The following SLC4A10 variants were observed in gnomAD, a reference collection of about 807,000 sequenced individuals.
SLC4A10 encodes sodium-driven chloride bicarbonate exchanger.
SLC4A10 carries 42 observed loss-of-function variants against 137.7 expected under a neutral mutation model. The ratio of observed to expected loss-of-function variants is 0.30; its 90% CI spans 0.24 to 0.39. SLC4A10 has a LOEUF of 0.39. Among genes scored for constraint, SLC4A10 ranks in the 10% least tolerant of loss-of-function variants. The pLI is 1.00. For missense variants in SLC4A10, 925 were observed against 1,355.0 expected, an observed-to-expected ratio of 0.68 and a Z score of 4.98; for synonymous variants, 474 against 464.1, an observed-to-expected ratio of 1.02 and a Z score of -0.27.
At chr2:161,756,822 T>C (rs141088947) in intron 1 of SLC4A10, among the ~76,000 whole-genome samples, 156 of 152,294 alleles carry the variant, frequency 1.0e-3, no homozygotes, top group Non-Finnish European at 1.7e-3. Flanking sequence ...AATCAAAATA[T>C]ATAACTGTAT....
chr2:161,936,588 G>A (rs918778559), intron 15 of SLC4A10, among the ~76,000 whole-genome samples: 14 of 151,992 alleles, frequency 9.2e-5, no homozygotes, highest in East Asian at 1.9e-4. Context: ...TGTTTATAGC[G>A]TTCTTTTATA....
At chr2:161,928,166 T>C (rs1371540052) in intron 15 of SLC4A10, among the ~76,000 whole-genome samples, 2 of 148,884 alleles carry the variant, frequency 1.3e-5, no homozygotes, top group Admixed American at 1.3e-4. Context: ...ATGTGGCACA[T>C]ATACACCATG....
At chr2:161,805,324 TC>T (rs748053369) in intron 3 of SLC4A10, among the ~76,000 whole-genome samples, 10 of 152,116 alleles carry the variant, frequency 6.6e-5, no homozygotes, top group Non-Finnish European at 1.5e-4. Context: ...CCAAACCATA[TC>T]GTTCCACCCT....
At chr2:161,884,845 C>T (rs1408078589) in intron 10 of SLC4A10, among the ~76,000 whole-genome samples, 1 of 152,144 alleles carries the variant, frequency 6.6e-6, no homozygotes, top group Non-Finnish European at 1.5e-5. Context: ...CTCGGTGAGG[C>T]AATTGTTCTG....
chr2:161,982,097 T>A (rs1284243740), intron 26 of SLC4A10, among the ~76,000 whole-genome samples: 1 of 152,200 alleles, frequency 6.6e-6, no homozygotes, highest in Non-Finnish European at 1.5e-5. Context: ...AGAAGAGTTA[T>A]AAAACCAAGG....
chr2:161,626,974 G>A (rs2032516625), intron 1 of SLC4A10, among the ~76,000 whole-genome samples: 1 of 152,018 alleles, frequency 6.6e-6, no homozygotes, highest in Non-Finnish European at 1.5e-5. Context: ...CTCAGTCAAG[G>A]CCAAACACTG....
intron 1 of SLC4A10, chr2:161,710,562 A>G (rs2044169646): frequency 3.7e-6 from 1 of 267,344 alleles, no homozygotes; most frequent in African/African-American, 2.2e-5. Context: ...AATAAAAAGC[A>G]AAGACTGGTT....
At chr2:161,978,689 A>G (rs1012664006) in intron 26 of SLC4A10, among the ~76,000 whole-genome samples, 3 of 152,156 alleles carry the variant, frequency 2.0e-5, no homozygotes, top group Admixed American at 2.0e-4. Context: ...GAAGCTGGGA[A>G]TTAGTTCTCT....
intron 1 of SLC4A10, among the ~76,000 whole-genome samples, chr2:161,753,835 T>C (rs981639289): frequency 1.3e-5 from 2 of 151,716 alleles, no homozygotes; most frequent in African/African-American, 2.4e-5. Flanking sequence ...AACAGCTCAC[T>C]TTACTGTTAA....
chr2:161,869,335 A>C (rs1024374524), intron 6 of SLC4A10, among the ~76,000 whole-genome samples: 1 of 151,622 alleles, frequency 6.6e-6, no homozygotes, highest in African/African-American at 2.4e-5. Flanking sequence ...TTAATTTTGA[A>C]ATTTAATCCA....
intron 4 of SLC4A10, among the ~76,000 whole-genome samples, chr2:161,843,009 C>G (rs2059279186): frequency 6.6e-6 from 1 of 152,112 alleles, no homozygotes; most frequent in African/African-American, 2.4e-5. Context: ...TCTCTTTAAC[C>G]TATTGCTAAG....
At chr2:161,877,300 T>A (rs889580027) in intron 8 of SLC4A10, among the ~76,000 whole-genome samples, 2 of 152,054 alleles carry the variant, frequency 1.3e-5, no homozygotes, top group African/African-American at 2.4e-5. Context: ...TTATGGATTT[T>A]AAAAAAAGAT....
chr2:161,926,848 G>C lies in SLC4A10; in HGVS notation c.1998-15944G>C, dbSNP rs533655792. Among the ~76,000 whole-genome samples the C allele has an allele frequency of 3.9e-3, 586 of 148,668 alleles. 3 individuals are homozygous for C. Among genetic ancestry groups the C allele is most frequent in the Non-Finnish European group, 5.3e-3 (356 of 66,798 alleles). On this transcript the variant is annotated intron_variant, in intron 15 of 26. Coordinates refer to ENST00000446997, the MANE Select transcript of SLC4A10 (RefSeq NM_001178015.2). ...AGTTTGGCTGGATATGAAATTCTGG[G>C]TTGAAAATTCTTTTCTTTAAGAATG...
intron 1 of SLC4A10, among the ~76,000 whole-genome samples, chr2:161,682,397 C>T (rs565812966): frequency 5.1e-4 from 78 of 152,070 alleles, no homozygotes; most frequent in Middle Eastern, 3.4e-3. Flanking sequence ...TTATGAGAAT[C>T]GTAAGTATTG....
chr2:161,665,977 C>A (rs1292984325), intron 1 of SLC4A10, among the ~76,000 whole-genome samples: 1 of 148,660 alleles, frequency 6.7e-6, no homozygotes, highest in Non-Finnish European at 1.5e-5. Flanking sequence ...TTAATATAGT[C>A]TTTGAAAAGC....
intron 2 of SLC4A10, among the ~76,000 whole-genome samples, chr2:161,801,918 A>G (rs978714111): frequency 6.6e-6 from 1 of 152,128 alleles, no homozygotes; most frequent in Non-Finnish European, 1.5e-5. Context: ...ACTCAATCCC[A>G]GAGATCATGT....
intron 21 of SLC4A10, among the ~76,000 whole-genome samples, chr2:161,960,218 T>G (rs12472555): frequency 0.38 from 56,838 of 151,148 alleles, 11,323 homozygotes; most frequent in Admixed American, 0.46. Context: ...ATAAAAATTA[T>G]CTGGGCATGG....
chr2:161,824,219 A>T (rs1168884679), intron 3 of SLC4A10, among the ~76,000 whole-genome samples: 1 of 152,196 alleles, frequency 6.6e-6, no homozygotes, highest in African/African-American at 2.4e-5. Flanking sequence ...CAGGTTTTGT[A>T]AGGACCTTTA....
At chr2:161,804,771 A>G (rs1199047734) in intron 3 of SLC4A10, among the ~76,000 whole-genome samples, 176 bp downstream of exon 3, 1 of 152,154 alleles carries the variant, frequency 6.6e-6, no homozygotes, top group African/African-American at 2.4e-5. Context: ...TTTCTCTTAT[A>G]TATTTGCATT....
Sources: gnomAD v4.1 joint callset for allele counts (sites outside exome capture counted in the v4.1 genomes callset) on GRCh38, gnomAD v4.1.1 for gene constraint, MANE v1.5 for transcripts, NCBI Gene and HGNC (gene_info 2026-07-23, HGNC 2026-07-21) for gene names.